Variants in MAP3K20 observed in about 807,000 individuals in gnomAD.
MAP3K20 encodes the protein HCCS-4.
MAP3K20 carries 40 observed loss-of-function variants against 85.7 expected under a neutral mutation model. That is an observed-to-expected ratio of 0.47 (90% CI 0.36 to 0.61). The LOEUF is 0.61. Ranked by LOEUF, MAP3K20 falls within the 20% of genes least tolerant of loss-of-function variation. MAP3K20 has a pLI of 0.00. For synonymous variants in MAP3K20, 325 were observed against 327.7 expected (o/e 0.99, Z 0.09); for missense variants, 817 against 961.7 (o/e 0.85, Z 1.99).
intron 9 of MAP3K20, among the ~76,000 whole-genome samples, chr2:173,208,535 A>AAT (rs1456698969): frequency 2.0e-5 from 3 of 152,236 alleles, no homozygotes; most frequent in African/African-American, 7.2e-5. Context: ...TAGAAGGCTT[A>AAT]ATATATATCA....
chr2:173,155,437 G>C (rs982698022), intron 2 of MAP3K20, among the ~76,000 whole-genome samples: 1 of 152,164 alleles, frequency 6.6e-6, no homozygotes, highest in African/African-American at 2.4e-5. Context: ...GTTCACCACT[G>C]TCCTTAGCGC....
intron 2 of MAP3K20, among the ~76,000 whole-genome samples, chr2:173,129,392 T>C (rs1688542662): frequency 6.6e-6 from 1 of 152,180 alleles, no homozygotes; most frequent in African/African-American, 2.4e-5. Flanking sequence ...AAATCTAAGA[T>C]GCCTTTGGTT....
intron 10 of MAP3K20, among the ~76,000 whole-genome samples, chr2:173,213,944 T>A (rs1329549005): frequency 6.6e-6 from 1 of 152,152 alleles, no homozygotes; most frequent in African/African-American, 2.4e-5. Context: ...CCCCCCAACT[T>A]TTATCTAGTG....
intron 17 of MAP3K20, among the ~76,000 whole-genome samples, chr2:173,259,047 ATTTT>A (rs935004116): frequency 6.6e-6 from 1 of 151,838 alleles, no homozygotes; most frequent in Admixed American, 6.6e-5. Context: ...GTATCGTTTA[ATTTT>A]TTTTTAATTT....
intron 11 of MAP3K20, 36 bp from the exon 12 acceptor site, chr2:173,229,653 C>CTTTTTTTTT (rs748770737): frequency 6.9e-7 from 1 of 1,449,882 alleles, no homozygotes; most frequent in Non-Finnish European, 9.4e-7. Flanking sequence ...GATAATATTA[C>CTTTTTTTTT]TTTTTTTTTT....
chr2:173,190,229 C>T (rs1421640528), intron 5 of MAP3K20, among the ~76,000 whole-genome samples: 8 of 152,150 alleles, frequency 5.3e-5, no homozygotes, highest in Non-Finnish European at 1.2e-4. Context: ...CAGGAAACTT[C>T]ATCTGACCGC....
rs189707718 is a variant in MAP3K20, at chr2:173,184,682, G to A, written c.349+1727G>A. Among the ~76,000 whole-genome samples, 4 of 152,302 alleles carry A rather than the reference G, an allele frequency of 2.6e-5. No homozygotes were observed. The East Asian group carries it at 7.7e-4, about 29-fold the overall frequency. ...CCAGCACTTTGGGAGTCCCAGGCGG[G>A]TGGATCACTTGAGGCCAGGAATTTG... On this transcript the variant is annotated intron_variant, in intron 4 of 19. Coordinates refer to ENST00000375213, the MANE Select transcript of MAP3K20 (RefSeq NM_016653.3).
chr2:173,093,514 G>A lies in MAP3K20; in HGVS notation c.159+2324G>A, dbSNP rs78543453. Among the ~76,000 whole-genome samples the A allele has an allele frequency of 5.5e-3, 843 of 152,264 alleles. 4 individuals are homozygous for A. The highest frequency in any genetic ancestry group is 8.2e-3 in the Non-Finnish European group (556 of 68,014). On this transcript the variant is annotated intron_variant, in intron 2 of 19. Coordinates refer to ENST00000375213, the MANE Select transcript of MAP3K20 (RefSeq NM_016653.3). ...TTCACTTTATTTGCAGACCTCTAGTGTAGTGAGTATGTACTACTTTTCTCT... is the reference window on the plus strand; with the variant it reads ...TTCACTTTATTTGCAGACCTCTAGTATAGTGAGTATGTACTACTTTTCTCT...
Position 173,266,574 on chromosome 2 carries a change from A to C in MAP3K20, c.2227A>C (p.Ile743Leu). 6.2e-7 allele frequency: 1 copy of C among 1,613,898 alleles called. No individual in the cohort carries two copies. The highest frequency in any genetic ancestry group is 8.5e-7 in the Non-Finnish European group (1 of 1,179,964). Residue 743 changes from isoleucine (I) to leucine (L), a missense_variant, in exon 20 of 20, where the codon ATA becomes CTA. Around this residue, in one of 4 missense-constraint regions of MAP3K20, gnomAD observed 454 missense variants for 476.9 expected, o/e 0.95. Coordinates refer to ENST00000375213, the MANE Select transcript of MAP3K20 (RefSeq NM_016653.3). Reference protein sequence around the residue: ...SPRDLHQPNTIPGMPLHPETD... With the variant: ...SPRDLHQPNTLPGMPLHPETD... ...CAGGGACCTCCACCAACCCAACACC[A>C]TACCAGGGATGCCTTTGCACCCTGA...
intron 2 of MAP3K20, among the ~76,000 whole-genome samples, chr2:173,117,159 T>C (rs1003006296): frequency 6.6e-6 from 1 of 152,238 alleles, no homozygotes; most frequent in Non-Finnish European, 1.5e-5. Flanking sequence ...GAATTGGTAT[T>C]TTTAAATTTT....
In MAP3K20 at chr2:173,261,084, T is replaced by C; in HGVS notation, c.1498T>C (p.Trp500Arg). The part of the protein sequence containing the change: ...MTKPPFVMEK[W>R]IVGIAKSQTV... ...TCAGCCACCATTTGTAATGGAGAAGTGGATTGTAGGAATAGCAAAAAGTCA... is the reference window on the plus strand; with the variant it reads ...TCAGCCACCATTTGTAATGGAGAAGCGGATTGTAGGAATAGCAAAAAGTCA... Residue 500 changes from tryptophan (W) to arginine (R), a missense_variant, in exon 18 of 20, where the codon TGG becomes CGG. This residue lies in a region of MAP3K20 where 454 missense variants were observed against 476.9 expected (regional missense o/e 0.95). Coordinates refer to ENST00000375213, the MANE Select transcript of MAP3K20 (RefSeq NM_016653.3). 1 of 1,613,612 alleles carries C rather than the reference T, an allele frequency of 6.2e-7. No individual in the cohort carries two copies. Among genetic ancestry groups the C allele is most frequent in the East Asian group, 2.2e-5 (1 of 44,858 alleles).
chr2:173,239,855 A>C (rs1219276843), intron 16 of MAP3K20, among the ~76,000 whole-genome samples: 2 of 152,180 alleles, frequency 1.3e-5, no homozygotes, highest in Non-Finnish European at 2.9e-5. Flanking sequence ...CCAAGAATAA[A>C]AACTAAGAAT....
intron 7 of MAP3K20, chr2:173,197,824 G>T (rs996105655): frequency 3.6e-6 from 1 of 276,334 alleles, no homozygotes. Flanking sequence ...TCTAAACCAG[G>T]TTTTTTCTTT....
intron 1 of MAP3K20, among the ~76,000 whole-genome samples, chr2:173,077,936 A>G (rs1686911647): frequency 6.6e-6 from 1 of 152,256 alleles, no homozygotes; most frequent in Non-Finnish European, 1.5e-5. Flanking sequence ...AGTGAGTGTT[A>G]TTGGCAATAT....
At position 173,266,714 on chromosome 2, in the gene MAP3K20, A is replaced by C. The variant is rs1685433882; in HGVS notation, c.2367A>C (p.Arg789Ser). The C allele has an allele frequency of 2.5e-6, 4 of 1,577,156 alleles. No homozygotes were observed. The highest frequency in any genetic ancestry group is 3.4e-6 in the Non-Finnish European group (4 of 1,161,966). Residue 789 changes from arginine (R) to serine (S), a missense_variant, in exon 20 of 20, where the codon AGA becomes AGC. By Grantham distance (110) the Arg-to-Ser change is moderately radical (BLOSUM62 -1). This residue lies in a region of MAP3K20 where 454 missense variants were observed against 476.9 expected (regional missense o/e 0.95). Transcript: ENST00000375213. ...RPSPAKTNKE[R>S]ARGDHRGWRN... ...CTCCCGCCAAAACCAATAAAGAGAG[A>C]GCCAGAGGGGACCACCGTGGATGGA...
intron 2 of MAP3K20, among the ~76,000 whole-genome samples, chr2:173,168,261 C>G (rs989320455): frequency 2.0e-5 from 3 of 152,218 alleles, no homozygotes; most frequent in Middle Eastern, 6.8e-3. Context: ...ACAGACCCCT[C>G]TATACACACG....
At position 173,217,292 on chromosome 2, in the gene MAP3K20, T is replaced by C. The variant is rs748572064; in HGVS notation, c.987+42T>C. 5 of 1,463,966 alleles carry C rather than the reference T, an allele frequency of 3.4e-6. No homozygotes were observed. In the African/African-American group the frequency reaches 5.7e-5, roughly 17 times the overall value. The allele number at this position is 1,463,966 out of a possible 1,614,324, so 90.7% of individuals were successfully genotyped here. ...TTCGCCGTCTTTCCACATGCGGCTC[T>C]AGGCTGCGCAGCTGAGCATGGCAGC... On this transcript the variant is annotated intron_variant, in intron 11 of 19. Coordinates refer to ENST00000375213, the MANE Select transcript of MAP3K20 (RefSeq NM_016653.3).
At chr2:173,236,775 ACT>A (rs762503961) in intron 14 of MAP3K20, among the ~76,000 whole-genome samples, 3 of 152,086 alleles carry the variant, frequency 2.0e-5, no homozygotes, top group East Asian at 1.9e-4. Flanking sequence ...CCCTGCATAG[ACT>A]CTCAATTAAG....
intron 3 of MAP3K20, among the ~76,000 whole-genome samples, chr2:173,177,970 A>C (rs1008216964): frequency 7.2e-5 from 11 of 152,154 alleles, no homozygotes; most frequent in African/African-American, 2.7e-4. Context: ...AAAGGAAATA[A>C]TAAAGATTAG....
Sources: gnomAD v4.1 joint callset for allele counts (sites outside exome capture counted in the v4.1 genomes callset) on GRCh38, gnomAD v4.1.1 for gene constraint, gnomAD v4.1.1 regional missense constraint, MANE v1.5 for transcripts, NCBI Gene and HGNC (gene_info 2026-07-23, HGNC 2026-07-21) for gene names.